Variants in CALN1 observed in about 807,000 individuals in gnomAD.
CALN1 encodes calcium-binding protein 8.
Under a neutral mutation model 30.6 loss-of-function variants are expected in CALN1, and 17 were observed. The observed-to-expected ratio is 0.56, with a 90% CI of 0.38 to 0.83. The LOEUF (loss-of-function observed/expected upper bound fraction) is 0.83. Among genes scored for constraint, CALN1 ranks in the 40% least tolerant of loss-of-function variants. The pLI is 0.00. For synonymous variants in CALN1, 156 were observed against 131.4 expected (o/e 1.19, Z -1.28); for missense variants, 291 against 354.9 (o/e 0.82, Z 1.45).
chr7:72,278,543 C>T, intron 3 of CALN1, 143 bp downstream of exon 3: 1 of 1,101,272 alleles, frequency 9.1e-7, no homozygotes, highest in Non-Finnish European at 1.3e-6. Flanking sequence ...TGTCTCTGAA[C>T]TCTTTCCCAT....
At chr7:72,083,592 AT>A (rs1245531107) in intron 4 of CALN1, among the ~76,000 whole-genome samples, 4 of 152,256 alleles carry the variant, frequency 2.6e-5, no homozygotes, top group East Asian at 3.9e-4. Context: ...TATAAAAAAA[AT>A]AAAAATAAAA....
intron 4 of CALN1, among the ~76,000 whole-genome samples, chr7:72,076,611 C>A (rs918089180): frequency 7.7e-3 from 47 of 6,120 alleles, no homozygotes; most frequent in South Asian, 0.011. Context: ...AAAAAAAAAG[C>A]AAAAAAAAAA....
At chr7:72,354,249 ATAAGTG>A (rs1803097814) in intron 2 of CALN1, among the ~76,000 whole-genome samples, 1 of 152,218 alleles carries the variant, frequency 6.6e-6, no homozygotes, top group South Asian at 2.1e-4. Flanking sequence ...GCTTAACAAA[ATAAGTG>A]TAAGTTCTGT....
At chr7:72,150,334 C>A (rs537688353) in intron 3 of CALN1, among the ~76,000 whole-genome samples, 2 of 152,168 alleles carry the variant, frequency 1.3e-5, no homozygotes, top group East Asian at 3.9e-4. Context: ...GATCCAGTGC[C>A]TGGGATAGAG....
chr7:71,946,154 G>C (rs1796396102), intron 5 of CALN1, among the ~76,000 whole-genome samples: 1 of 152,148 alleles, frequency 6.6e-6, no homozygotes. Context: ...AATGGTAGAT[G>C]TTGGGCTCAT....
At chr7:72,391,437 G>C (rs1585643257) in intron 2 of CALN1, among the ~76,000 whole-genome samples, 1 of 151,954 alleles carries the variant, frequency 6.6e-6, no homozygotes, top group South Asian at 2.1e-4. Context: ...TCCCAAAGAG[G>C]TGCACTGCTA....
intron 2 of CALN1, among the ~76,000 whole-genome samples, chr7:72,395,490 A>C (rs1281591344): frequency 6.6e-6 from 1 of 152,220 alleles, no homozygotes; most frequent in African/African-American, 2.4e-5. Flanking sequence ...GATACTCTCC[A>C]AGAGGCAGAT....
chr7:72,224,696 G>C (rs567970916), intron 3 of CALN1, among the ~76,000 whole-genome samples: 4 of 151,830 alleles, frequency 2.6e-5, no homozygotes, highest in African/African-American at 9.7e-5. Flanking sequence ...CACGAGAATC[G>C]CTTGAACCCC....
the CALN1 span, among the ~76,000 whole-genome samples, chr7:72,484,651 T>C: frequency 6.6e-6 from 1 of 152,272 alleles, no homozygotes; most frequent in East Asian, 1.9e-4. Context: ...GTCTGGTGCT[T>C]AGTCCTTTGA....
At chr7:72,235,255 C>T (rs1395240732) in intron 3 of CALN1, among the ~76,000 whole-genome samples, 6 of 151,874 alleles carry the variant, frequency 4.0e-5, no homozygotes, top group Non-Finnish European at 7.4e-5. Context: ...GCCTGGATGA[C>T]ACAGTGAGAC....
intron 2 of CALN1, among the ~76,000 whole-genome samples, chr7:72,317,260 G>A (rs1159572230): frequency 7.7e-6 from 1 of 130,572 alleles, no homozygotes; most frequent in Non-Finnish European, 1.6e-5. Context: ...GAGAAGGGGG[G>A]GACGGAGGGA....
chr7:72,348,851 A>C (rs1303750412), intron 2 of CALN1, among the ~76,000 whole-genome samples: 19 of 152,230 alleles, frequency 1.2e-4, no homozygotes, highest in Non-Finnish European at 1.3e-4. Context: ...AACTCTTCAA[A>C]GGACAAAAGC....
intron 3 of CALN1, among the ~76,000 whole-genome samples, chr7:72,247,896 G>C (rs1307036928): frequency 1.3e-5 from 2 of 152,182 alleles, no homozygotes; most frequent in African/African-American, 2.4e-5. Context: ...TACTTGGAAG[G>C]CTGAGACAGG....
At chr7:72,025,584 CA>C (rs1192842194) in intron 4 of CALN1, among the ~76,000 whole-genome samples, 1 of 152,092 alleles carries the variant, frequency 6.6e-6, no homozygotes, top group African/African-American at 2.4e-5. Flanking sequence ...GGACTTGAGC[CA>C]ACTCAACAGA....
intron 3 of CALN1, among the ~76,000 whole-genome samples, chr7:72,246,450 C>T (rs1244668855): frequency 5.9e-5 from 9 of 152,070 alleles, no homozygotes; most frequent in Admixed American, 5.9e-4. Flanking sequence ...CTGGGAAGCC[C>T]CAGGAGCTGC....
At chr7:72,377,661 C>G (rs1804651487) in intron 2 of CALN1, among the ~76,000 whole-genome samples, 1 of 152,104 alleles carries the variant, frequency 6.6e-6, no homozygotes, top group Non-Finnish European at 1.5e-5. Context: ...CGTATGTGGG[C>G]ATTGACAACT....
chr7:72,442,723 TA>T (rs1808389202), intron 1 of CALN1, among the ~76,000 whole-genome samples: 2 of 152,034 alleles, frequency 1.3e-5, no homozygotes, highest in African/African-American at 4.8e-5. Context: ...TGCATTTTAT[TA>T]AGGGTTGCAA....
At chr7:72,029,503 A>G (rs751795069) in intron 4 of CALN1, among the ~76,000 whole-genome samples, 6 of 152,102 alleles carry the variant, frequency 3.9e-5, no homozygotes, top group Admixed American at 3.3e-4. Context: ...GTTCTAATGA[A>G]GCACTTCTTG....
chr7:72,140,365 A>C (rs1323247656), intron 3 of CALN1, among the ~76,000 whole-genome samples: 1 of 28,728 alleles, frequency 3.5e-5, no homozygotes, highest in Non-Finnish European at 7.7e-5. Context: ...GGAGGGAGGG[A>C]GGGAGGGAGG....
Sources: allele counts gnomAD v4.1 joint callset (sites outside exome capture counted in the v4.1 genomes callset), GRCh38; gene constraint gnomAD v4.1.1; transcripts MANE v1.5; gene names NCBI Gene and HGNC (gene_info 2026-07-23, HGNC 2026-07-21).